GON4L: variants seen among roughly 807,000 people sequenced by gnomAD.
GON4L encodes GON-4-like protein.
In GON4L, 87 loss-of-function variants were observed where a neutral mutation model predicts 211.8. The observed-to-expected ratio is 0.41, with a 90% CI of 0.35 to 0.49. The LOEUF (loss-of-function observed/expected upper bound fraction) is 0.49. GON4L is among the 20% of genes least tolerant of loss of function. The probability of loss-of-function intolerance (pLI) is 0.15; values close to 1 mark genes in which losing one functional copy is unlikely to be tolerated. For missense variants in GON4L, 2,155 were observed against 2,659.5 expected (o/e 0.81, Z 4.17); for synonymous variants, 875 against 962.6 (o/e 0.91, Z 1.68).
rs534729472 is a variant in GON4L at position 155,767,482 on chromosome 1, T to C, written c.2706A>G (p.Pro902=). ...VLGKCCEEIQ[P]HQWKPPIERE... ...TCTCTATAGGTGGCTTCCACTGATG[T>C]GGCTGGATCTCTTCACAGCATTTTC... Residue 902 remains proline (P), a synonymous_variant, in exon 20 of 32, where the codon CCA becomes CCG. Coordinates refer to ENST00000368331, the MANE Select transcript of GON4L (RefSeq NM_001282860.2). The C allele has an allele frequency of 9.3e-6, 15 of 1,612,022 alleles. No homozygotes were observed. In the Admixed American group the frequency reaches 1.2e-4, roughly 13 times the overall value.
At chr1:155,790,929 C>T (rs190545504) in intron 12 of GON4L, among the ~76,000 whole-genome samples, 1 of 147,720 alleles carries the variant, frequency 6.8e-6, no homozygotes, top group South Asian at 2.1e-4. Flanking sequence ...GGAGACAGAG[C>T]GAGACTCCTT....
At chr1:155,836,488 TC>T (rs1670331343) in intron 2 of GON4L, among the ~76,000 whole-genome samples, 1 of 152,024 alleles carries the variant, frequency 6.6e-6, no homozygotes, top group Non-Finnish European at 1.5e-5. Flanking sequence ...GACCTCGTGA[TC>T]CCCCCGCCTC....
chr1:155,809,535 T>C (rs1667482489), intron 10 of GON4L, among the ~76,000 whole-genome samples: 1 of 144,234 alleles, frequency 6.9e-6, no homozygotes, highest in Non-Finnish European at 1.5e-5. Flanking sequence ...TTATATATAA[T>C]TATAAATTAT....
At position 155,813,687 on chromosome 1, in the gene GON4L, G is replaced by A. The variant is rs1254658868; in HGVS notation, c.1399C>T (p.His467Tyr). Residue 467 changes from histidine to tyrosine, a missense_variant, in exon 10 of 32, where the codon CAT becomes TAT. Coordinates refer to ENST00000368331, the MANE Select transcript of GON4L (RefSeq NM_001282860.2). ...TRDSTFMEKL[H>Y]AVDEELASSP... ...GAAGCCAGCTCCTCATCTACCGCAT[G>A]TAACTTCTCCATGAAAGTACTATCT... The A allele has an allele frequency of 6.2e-6, 10 of 1,613,770 alleles. No individual in the cohort carries two copies. The highest frequency in any genetic ancestry group is 1.7e-4 in the Middle Eastern group (1 of 6,058).
chr1:155,799,674 C>T (rs1233924774), intron 11 of GON4L, among the ~76,000 whole-genome samples: 1 of 152,188 alleles, frequency 6.6e-6, no homozygotes. Context: ...CATCACCCTA[C>T]ATATCCATAC....
chr1:155,849,437 G>A (rs112294374), intron 2 of GON4L, among the ~76,000 whole-genome samples: 6,298 of 151,650 alleles, frequency 0.042, 161 homozygotes, highest in Non-Finnish European at 0.048. Context: ...CCAGCTACTC[G>A]GGAGGCTGAG....
At chr1:155,772,425 A>G (rs1156604607) in intron 18 of GON4L, among the ~76,000 whole-genome samples, 1 of 152,070 alleles carries the variant, frequency 6.6e-6, no homozygotes, top group Non-Finnish European at 1.5e-5. Context: ...ATGTGCTGAT[A>G]ACAGTGTGGC....
chr1:155,760,713 A>G (rs1661700496), intron 23 of GON4L, 72 bp from the exon 24 acceptor site: 1 of 1,013,618 alleles, frequency 9.9e-7, no homozygotes, highest in Admixed American at 1.7e-5. Flanking sequence ...TACAAGGGAG[A>G]AGGCAGGGTT....
chr1:155,749,783 T>C lies in GON4L; in HGVS notation c.*801A>G, dbSNP rs2101587704. ...GAAAAGCATTCTTCCTCTGGAGTACTGGTGTACTAAGGGGACAATACACCA... is the reference window on the plus strand; with the variant it reads ...GAAAAGCATTCTTCCTCTGGAGTACCGGTGTACTAAGGGGACAATACACCA... On this transcript the variant is annotated 3_prime_UTR_variant, in exon 32 of 32. Coordinates refer to ENST00000368331, the MANE Select transcript of GON4L (RefSeq NM_001282860.2). The C allele has an allele frequency of 6.4e-6, 4 of 625,032 alleles. No homozygotes were observed. In the East Asian group the frequency reaches 8.3e-5, roughly 13 times the overall value. The allele number at this position is 625,032 out of a possible 1,614,324, so 38.7% of individuals were successfully genotyped here.
At chr1:155,820,904 G>A (rs934615303) in intron 5 of GON4L, among the ~76,000 whole-genome samples, 2 of 152,028 alleles carry the variant, frequency 1.3e-5, no homozygotes, top group African/African-American at 4.8e-5. Context: ...GGATCGCTGA[G>A]TCCAGCTTAG....
At chr1:155,819,108 T>A (rs1032493208) in intron 6 of GON4L, among the ~76,000 whole-genome samples, 5 of 151,876 alleles carry the variant, frequency 3.3e-5, no homozygotes, top group African/African-American at 9.7e-5. Flanking sequence ...TGGCCAAACA[T>A]GGTGCAACCC....
At position 155,771,047 on chromosome 1, in the gene GON4L, C is replaced by A. The variant is rs767148062; in HGVS notation, c.2646+20G>T. On this transcript the variant is annotated intron_variant, in intron 19 of 31. Transcript: ENST00000368331. ...ACATATTGGTGAGGTGCCCGGATGGCGCATGCAGGAAACACTCACTTTAAT... is the reference window on the plus strand; with the variant it reads ...ACATATTGGTGAGGTGCCCGGATGGAGCATGCAGGAAACACTCACTTTAAT... The A allele has an allele frequency of 3.1e-6, 5 of 1,613,848 alleles. No homozygotes were observed. Among genetic ancestry groups the A allele is most frequent in the Non-Finnish European group, 4.2e-6 (5 of 1,179,934 alleles).
intron 2 of GON4L, among the ~76,000 whole-genome samples, chr1:155,827,778 G>A (rs1669354533): frequency 6.6e-6 from 1 of 151,776 alleles, no homozygotes; most frequent in African/African-American, 2.4e-5. Context: ...TGAGGCAGGA[G>A]GATCACTTGA....
upstream of GON4L, among the ~76,000 whole-genome samples, chr1:155,858,882 T>C (rs1311535072): frequency 6.6e-6 from 1 of 151,762 alleles, no homozygotes; most frequent in African/African-American, 2.4e-5. Context: ...TTAGTAGAGA[T>C]GGGGGTTTCA....
Position 155,794,740 on chromosome 1 carries a change from G to C in GON4L, c.1747+310C>G, listed in dbSNP as rs375505447. 9.9e-5 allele frequency among the ~76,000 whole-genome samples: 15 copies of C among 152,120 alleles called. No homozygotes were observed. The East Asian group carries it at 1.2e-3, about 12-fold the overall frequency. On this transcript the variant is annotated intron_variant, in intron 12 of 31. Transcript: ENST00000368331. ...GTTACAGCATTTATCACTTTGTATTGTAACTTTTTCTGTTTCTATCACCCT... is the reference window on the plus strand; with the variant it reads ...GTTACAGCATTTATCACTTTGTATTCTAACTTTTTCTGTTTCTATCACCCT...
chr1:155,788,068 T>C (rs1022186408), intron 12 of GON4L, among the ~76,000 whole-genome samples: 1 of 152,234 alleles, frequency 6.6e-6, no homozygotes, highest in Non-Finnish European at 1.5e-5. Context: ...CTCAGCTCAC[T>C]GCAACCTCCA....
chr1:155,781,398 G>A (rs893246811), intron 14 of GON4L, among the ~76,000 whole-genome samples: 1 of 151,606 alleles, frequency 6.6e-6, no homozygotes, highest in Non-Finnish European at 1.5e-5. Flanking sequence ...TGCCTGCTTC[G>A]GCATCCCAAA....
intron 20 of GON4L, 173 bp downstream of exon 20, chr1:155,767,252 G>A (rs1662611352): frequency 6.9e-7 from 1 of 1,448,460 alleles, no homozygotes; most frequent in Non-Finnish European, 9.3e-7. Context: ...TGAAAATGCT[G>A]TAGAATCACC....
rs527408488 is a variant in GON4L at position 155,771,526 on chromosome 1, C to T, written c.2496-309G>A. Among the ~76,000 whole-genome samples the T allele has an allele frequency of 9.9e-5, 15 of 152,080 alleles. No individual in the cohort carries two copies. The South Asian group carries it at 3.1e-3, about 32-fold the overall frequency. On this transcript the variant is annotated intron_variant, in intron 18 of 31. Coordinates refer to ENST00000368331, the MANE Select transcript of GON4L (RefSeq NM_001282860.2). Reference sequence around the variant, plus strand: ...TTGCTCTGTTGCCCGGGTTGGAGAGCGGGTGGCATGATTACAGCGCACTGC... The same window carrying T: ...TTGCTCTGTTGCCCGGGTTGGAGAGTGGGTGGCATGATTACAGCGCACTGC...
Sources: gnomAD v4.1 joint callset for allele counts (sites outside exome capture counted in the v4.1 genomes callset) on GRCh38, gnomAD v4.1.1 for gene constraint, MANE v1.5 for transcripts, NCBI Gene and HGNC (gene_info 2026-07-23, HGNC 2026-07-21) for gene names.